Variants in GRIN2A observed in about 807,000 individuals in gnomAD.
The protein encoded by GRIN2A is glutamate ionotropic receptor NMDA type subunit 2A.
In GRIN2A, 22 loss-of-function variants were observed where a neutral mutation model predicts 113.4. The ratio of observed to expected loss-of-function variants is 0.19; its 90% CI spans 0.14 to 0.28. GRIN2A has a LOEUF of 0.28. Ranked by LOEUF, GRIN2A falls within the 10% of genes least tolerant of loss-of-function variation. The pLI is 1.00. For synonymous variants in GRIN2A, 827 were observed against 738.4 expected, an observed-to-expected ratio of 1.12 and a Z score of -1.94; for missense variants, 1,502 against 1,887.0, an observed-to-expected ratio of 0.80 and a Z score of 3.78.
chr16:10,000,351 G>C (rs556012448), intron 2 of GRIN2A, among the ~76,000 whole-genome samples: 1 of 150,524 alleles, frequency 6.6e-6, no homozygotes, highest in East Asian at 1.9e-4. Context: ...CTATTACAGA[G>C]AAAGAAAGTT....
intron 7 of GRIN2A, among the ~76,000 whole-genome samples, chr16:9,837,552 G>C (rs927935528): frequency 1.3e-5 from 2 of 152,116 alleles, no homozygotes; most frequent in Non-Finnish European, 2.9e-5. Context: ...AGAGATACAA[G>C]ACTTTTTTGT....
chr16:9,888,383 T>C (rs2043627569), intron 4 of GRIN2A, among the ~76,000 whole-genome samples: 1 of 152,182 alleles, frequency 6.6e-6, no homozygotes, highest in Non-Finnish European at 1.5e-5. Flanking sequence ...TTCTCCTACA[T>C]TTTCTTCTAG....
chr16:9,807,405 G>GGAGA (rs1431244874), intron 10 of GRIN2A, among the ~76,000 whole-genome samples: 1 of 118,174 alleles, frequency 8.5e-6, no homozygotes, highest in African/African-American at 3.4e-5. Context: ...AGGGAGGGAG[G>GGAGA]GAGAGAAAGG....
intron 10 of GRIN2A, among the ~76,000 whole-genome samples, chr16:9,799,302 A>G (rs1409167894): frequency 1.3e-5 from 2 of 152,196 alleles, no homozygotes; most frequent in Non-Finnish European, 2.9e-5. Context: ...GAACACAGAC[A>G]TGCACACAGG....
chr16:9,813,992 A>G (rs2042139690), intron 10 of GRIN2A, among the ~76,000 whole-genome samples: 1 of 152,146 alleles, frequency 6.6e-6, no homozygotes, highest in Non-Finnish European at 1.5e-5. Flanking sequence ...CTCAAATGGC[A>G]TCTTTGAAAA....
At chr16:9,958,067 G>T (rs1403133719) in intron 2 of GRIN2A, among the ~76,000 whole-genome samples, 1 of 152,156 alleles carries the variant, frequency 6.6e-6, no homozygotes, top group East Asian at 1.9e-4. Flanking sequence ...TCCAAGCTGG[G>T]TGACTATGAG....
In GRIN2A at chr16:9,938,742, G is replaced by C. The variant is rs7195861; in HGVS notation, c.415-191C>G. ...GAGAGGACAGAAGCCCCTGTACTCAGGAGCTCATAGCCAGGTCCTGGAAGG... is the reference window on the plus strand; with the variant it reads ...GAGAGGACAGAAGCCCCTGTACTCACGAGCTCATAGCCAGGTCCTGGAAGG... On this transcript the variant is annotated intron_variant, in intron 2 of 12. Coordinates refer to ENST00000330684, the MANE Select transcript of GRIN2A (RefSeq NM_001134407.3). Among the ~76,000 whole-genome samples, 1,844 of 152,300 alleles carry C rather than the reference G, an allele frequency of 0.012. 21 individuals are homozygous for C. The highest frequency in any genetic ancestry group is 0.043 in the African/African-American group (1,769 of 41,548).
At chr16:9,882,901 C>T (rs1287906327) in intron 4 of GRIN2A, among the ~76,000 whole-genome samples, 2 of 152,220 alleles carry the variant, frequency 1.3e-5, no homozygotes, top group Non-Finnish European at 2.9e-5. Context: ...AGGAAGCAGA[C>T]ACCTTTCTAA....
At chr16:10,143,575 CT>C (rs956414971) in intron 2 of GRIN2A, among the ~76,000 whole-genome samples, 5 of 152,058 alleles carry the variant, frequency 3.3e-5, no homozygotes, top group Non-Finnish European at 7.4e-5. Flanking sequence ...TTTTAATATA[CT>C]TACTGAAACT....
intron 2 of GRIN2A, among the ~76,000 whole-genome samples, chr16:10,042,782 C>A (rs756508717): frequency 6.6e-6 from 1 of 152,124 alleles, no homozygotes; most frequent in Admixed American, 6.5e-5. Context: ...CTAACTCACA[C>A]CTAAGGGGGC....
At chr16:10,053,983 G>T (rs750638263) in intron 2 of GRIN2A, among the ~76,000 whole-genome samples, 109 of 151,370 alleles carry the variant, frequency 7.2e-4, no homozygotes, top group Non-Finnish European at 1.1e-3. Flanking sequence ...ATCGTGGTTT[G>T]TAATGGCAAG....
Position 9,798,317 on chromosome 16 carries a change from C to T in GRIN2A, c.2316G>A (p.Lys772=), listed in dbSNP as rs774124803. 1 of 1,614,126 alleles carries T rather than the reference C, an allele frequency of 6.2e-7. No individual in the cohort carries two copies. Among genetic ancestry groups the T allele is most frequent in the Non-Finnish European group, 8.5e-7 (1 of 1,179,986 alleles). ...GIALQKGSPW[K]RQIDLALLQF... ...GAAGCAAGGCCAGGTCGATCTGCCT[C>T]TTCCAAGGAGAGCCTTTCTGAAGGG... The change falls in exon 11 of 13, where the codon AAG becomes AAA. Residue 772 remains lysine (K), a synonymous_variant. Transcript: ENST00000330684.
chr16:9,968,299 T>TGTAC (rs1256794732), intron 2 of GRIN2A, among the ~76,000 whole-genome samples: 1 of 151,918 alleles, frequency 6.6e-6, no homozygotes, highest in South Asian at 2.1e-4. Flanking sequence ...TATGTATGTA[T>TGTAC]GTATGTATAC....
intron 2 of GRIN2A, among the ~76,000 whole-genome samples, chr16:10,159,483 G>A (rs1246190882): frequency 6.6e-6 from 1 of 152,192 alleles, no homozygotes; most frequent in Non-Finnish European, 1.5e-5. Flanking sequence ...AAGAGGAGCT[G>A]ATGGGATGCT....
At chr16:9,895,131 AT>A in intron 3 of GRIN2A, among the ~76,000 whole-genome samples, 1 of 152,360 alleles carries the variant, frequency 6.6e-6, no homozygotes, top group African/African-American at 2.4e-5. Flanking sequence ...GACACACAAA[AT>A]AACTATAACG....
chr16:9,966,493 AC>A (rs2045558760), intron 2 of GRIN2A, among the ~76,000 whole-genome samples: 1 of 152,146 alleles, frequency 6.6e-6, no homozygotes, highest in Non-Finnish European at 1.5e-5. Flanking sequence ...GAGTATGTGT[AC>A]CACATTTTCT....
chr16:10,050,786 A>G (rs1430892468), intron 2 of GRIN2A, among the ~76,000 whole-genome samples: 2 of 152,142 alleles, frequency 1.3e-5, no homozygotes, highest in Non-Finnish European at 2.9e-5. Flanking sequence ...TGCCAAAAAG[A>G]TTGAGGACCA....
At chr16:9,912,175 G>C (rs780387039) in intron 3 of GRIN2A, among the ~76,000 whole-genome samples, 2 of 151,768 alleles carry the variant, frequency 1.3e-5, no homozygotes, top group Non-Finnish European at 2.9e-5. Context: ...AAGAAGAATG[G>C]GGAAAAAAAG....
At chr16:10,063,154 A>G (rs761122872) in intron 2 of GRIN2A, among the ~76,000 whole-genome samples, 1 of 152,196 alleles carries the variant, frequency 6.6e-6, no homozygotes, top group Non-Finnish European at 1.5e-5. Context: ...GTTCTCACTT[A>G]TAAGTGAGAG....
Sources: allele counts gnomAD v4.1 joint callset (sites outside exome capture counted in the v4.1 genomes callset), GRCh38; gene constraint gnomAD v4.1.1; transcripts MANE v1.5; gene names NCBI Gene and HGNC (gene_info 2026-07-23, HGNC 2026-07-21).